Variants in INPP4B observed in about 807,000 individuals in gnomAD.
INPP4B encodes the protein inositol polyphosphate-4-phosphatase type II B.
Under a neutral mutation model 122.5 loss-of-function variants are expected in INPP4B, and 55 were observed. The observed-to-expected ratio is 0.45, with a 90% CI of 0.36 to 0.56. INPP4B has a LOEUF of 0.56. INPP4B is among the 20% of genes least tolerant of loss of function. The pLI, the probability that INPP4B is intolerant of heterozygous loss-of-function variation, is 0.00. For missense variants in INPP4B, 1,000 were observed against 1,097.7 expected, an observed-to-expected ratio of 0.91 and a Z score of 1.26; for synonymous variants, 403 against 388.7, an observed-to-expected ratio of 1.04 and a Z score of -0.43.
At chr4:142,329,716 T>G (rs1056129713) in intron 7 of INPP4B, among the ~76,000 whole-genome samples, 3 of 152,174 alleles carry the variant, frequency 2.0e-5, no homozygotes, top group African/African-American at 7.2e-5. Context: ...TAGAAAGCAG[T>G]TTAATACTGA....
At chr4:142,106,286 G>T (rs890006261) in intron 23 of INPP4B, among the ~76,000 whole-genome samples, 1 of 152,068 alleles carries the variant, frequency 6.6e-6, no homozygotes, top group African/African-American at 2.4e-5. Context: ...TGTTGTTGTT[G>T]TTGTTATTTT....
At chr4:142,492,386 CAGA>C (rs1343933416) in intron 2 of INPP4B, among the ~76,000 whole-genome samples, 6 of 151,986 alleles carry the variant, frequency 3.9e-5, no homozygotes, top group Non-Finnish European at 5.9e-5. Flanking sequence ...TTGCAGGGCT[CAGA>C]AGAAGATAGA....
chr4:142,202,853 A>G (rs1172460341), intron 14 of INPP4B: 1 of 797,830 alleles, frequency 1.3e-6, no homozygotes, highest in Non-Finnish European at 1.5e-6. Context: ...GGGCAAGCCC[A>G]TTCATTCCCT....
chr4:142,594,635 G>A (rs1238256837), intron 2 of INPP4B, among the ~76,000 whole-genome samples: 7 of 151,996 alleles, frequency 4.6e-5, no homozygotes, highest in Admixed American at 4.6e-4. Flanking sequence ...CAAACATTTA[G>A]ATGTTATAAT....
chr4:142,586,210 G>A (rs1736169751), intron 2 of INPP4B, among the ~76,000 whole-genome samples: 1 of 151,994 alleles, frequency 6.6e-6, no homozygotes. Flanking sequence ...TACTCAGGAG[G>A]CTAATGCAGG....
chr4:142,652,240 T>A (rs1753124917), intron 2 of INPP4B, among the ~76,000 whole-genome samples: 2 of 152,162 alleles, frequency 1.3e-5, no homozygotes, highest in Non-Finnish European at 2.9e-5. Flanking sequence ...AAGAGCTATT[T>A]ATGAAAAACC....
intron 2 of INPP4B, among the ~76,000 whole-genome samples, chr4:142,657,812 A>G (rs542154423): frequency 2.0e-5 from 3 of 152,286 alleles, no homozygotes; most frequent in African/African-American, 4.8e-5. Flanking sequence ...CTGGAATTCT[A>G]TTTCATAATA....
intron 9 of INPP4B, among the ~76,000 whole-genome samples, chr4:142,292,859 T>C (rs898932075): frequency 1.3e-5 from 2 of 152,176 alleles, no homozygotes; most frequent in Non-Finnish European, 2.9e-5. Context: ...ATAATGTTTT[T>C]CTTGTATAAT....
At chr4:142,415,470 T>G (rs1159738379) in intron 5 of INPP4B, among the ~76,000 whole-genome samples, 2 of 152,022 alleles carry the variant, frequency 1.3e-5, no homozygotes, top group Non-Finnish European at 2.9e-5. Flanking sequence ...CTCACACCAG[T>G]TAGAATGGCG....
chr4:142,539,387 C>G (rs1828669606), intron 2 of INPP4B, among the ~76,000 whole-genome samples: 1 of 151,948 alleles, frequency 6.6e-6, no homozygotes, highest in African/African-American at 2.4e-5. Flanking sequence ...TAGGTTAATT[C>G]TAATAGCTCA....
At chr4:142,720,893 CGT>C (rs35250436) in intron 2 of INPP4B, among the ~76,000 whole-genome samples, 6,072 of 110,976 alleles carry the variant, frequency 0.055, 341 homozygotes, top group African/African-American at 0.14. Context: ...GAGTGCATCT[CGT>C]GTGTGTGTGT....
At chr4:142,123,150 C>G (rs1797261245) in intron 20 of INPP4B, 142 bp downstream of exon 20, 1 of 638,728 alleles carries the variant, frequency 1.6e-6, no homozygotes, top group Non-Finnish European at 2.4e-6. Flanking sequence ...AAGGTGAATG[C>G]AAAAAACTGA....
At chr4:142,076,252 A>G (rs1314072823) in intron 25 of INPP4B, among the ~76,000 whole-genome samples, 1 of 152,124 alleles carries the variant, frequency 6.6e-6, no homozygotes, top group Non-Finnish European at 1.5e-5. Flanking sequence ...GACGAAAATT[A>G]GCACATACAT....
chr4:142,741,160 A>C (rs1179292944), intron 1 of INPP4B, among the ~76,000 whole-genome samples: 1 of 152,086 alleles, frequency 6.6e-6, no homozygotes, highest in Non-Finnish European at 1.5e-5. Flanking sequence ...GTTGTTATAC[A>C]GGAATACCTG....
chr4:142,135,186 C>A (rs1803433586), intron 18 of INPP4B, among the ~76,000 whole-genome samples: 2 of 152,092 alleles, frequency 1.3e-5, no homozygotes, highest in Admixed American at 6.5e-5. Flanking sequence ...AATATTGGGC[C>A]TCTATTATTT....
intron 1 of INPP4B, among the ~76,000 whole-genome samples, chr4:142,807,440 G>C (rs1321196557): frequency 6.6e-6 from 1 of 152,174 alleles, no homozygotes; most frequent in Non-Finnish European, 1.5e-5. Flanking sequence ...AAGGGCAAAG[G>C]GAGTATGGGA....
chr4:142,307,192 A>C (rs986626789), intron 8 of INPP4B, among the ~76,000 whole-genome samples: 6 of 152,144 alleles, frequency 3.9e-5, no homozygotes, highest in Non-Finnish European at 8.8e-5. Flanking sequence ...CTTTTCAGCC[A>C]GGGGCAGAGA....
At chr4:142,547,545 A>T (rs1258730006) in intron 2 of INPP4B, among the ~76,000 whole-genome samples, 1 of 152,154 alleles carries the variant, frequency 6.6e-6, no homozygotes, top group Non-Finnish European at 1.5e-5. Flanking sequence ...TCACTAGCAA[A>T]TCAGACAGTA....
intron 1 of INPP4B, among the ~76,000 whole-genome samples, chr4:142,840,361 G>T (rs1026974550): frequency 1.1e-4 from 17 of 152,040 alleles, no homozygotes; most frequent in African/African-American, 3.4e-4. Flanking sequence ...AAATGCAAAT[G>T]GTTAATACAA....
Sources: gnomAD v4.1 joint callset for allele counts (sites outside exome capture counted in the v4.1 genomes callset) on GRCh38, gnomAD v4.1.1 for gene constraint, MANE v1.5 for transcripts, NCBI Gene and HGNC (gene_info 2026-07-23, HGNC 2026-07-21) for gene names.